SPOCK3: variants seen among roughly 807,000 people sequenced by gnomAD.
SPOCK3 encodes the protein testican-3.
In SPOCK3, 30 loss-of-function variants were observed where a neutral mutation model predicts 56.6. That is an observed-to-expected ratio of 0.53 (90% CI 0.40 to 0.72). The LOEUF (loss-of-function observed/expected upper bound fraction) is 0.72. SPOCK3 is among the 30% of genes least tolerant of loss of function. SPOCK3 has a pLI of 0.00. For missense variants in SPOCK3, 527 were observed against 530.0 expected, an observed-to-expected ratio of 0.99 and a Z score of 0.06; for synonymous variants, 196 against 183.3, an observed-to-expected ratio of 1.07 and a Z score of -0.56.
chr4:167,075,618 T>A (rs1757114961), intron 2 of SPOCK3, among the ~76,000 whole-genome samples: 1 of 151,986 alleles, frequency 6.6e-6, no homozygotes, highest in Non-Finnish European at 1.5e-5. Context: ...TAAAGGGAGA[T>A]AAAAACAATA....
At chr4:167,203,903 T>C (rs1342121078) in intron 2 of SPOCK3, among the ~76,000 whole-genome samples, 1 of 152,104 alleles carries the variant, frequency 6.6e-6, no homozygotes, top group African/African-American at 2.4e-5. Context: ...GCAAGGACTG[T>C]TTCCCTGTAA....
At chr4:166,812,807 T>A (rs1743973032) in intron 6 of SPOCK3, among the ~76,000 whole-genome samples, 1 of 151,990 alleles carries the variant, frequency 6.6e-6, no homozygotes, top group African/African-American at 2.4e-5. Flanking sequence ...AGTTCACACA[T>A]ACACACATAT....
intron 2 of SPOCK3, among the ~76,000 whole-genome samples, chr4:167,102,957 T>C (rs974401457): frequency 4.1e-5 from 6 of 147,592 alleles, no homozygotes; most frequent in Non-Finnish European, 8.9e-5. Context: ...AGTCACTCCT[T>C]CTTTCTGCTT....
At chr4:166,799,396 A>G (rs1225573443) in intron 6 of SPOCK3, among the ~76,000 whole-genome samples, 1 of 152,150 alleles carries the variant, frequency 6.6e-6, no homozygotes, top group Non-Finnish European at 1.5e-5. Context: ...AAGGAGTAAC[A>G]GCAGCTTTGA....
intron 2 of SPOCK3, among the ~76,000 whole-genome samples, chr4:167,136,369 T>A (rs577293011): frequency 6.6e-6 from 1 of 152,252 alleles, no homozygotes; most frequent in African/African-American, 2.4e-5. Flanking sequence ...TTTTTCTTAA[T>A]ACCTTTTTTT....
chr4:166,849,118 G>A (rs1560928372), intron 6 of SPOCK3, among the ~76,000 whole-genome samples: 1 of 152,104 alleles, frequency 6.6e-6, no homozygotes, highest in Non-Finnish European at 1.5e-5. Flanking sequence ...GAGACTATGG[G>A]TTGTTGAAAT....
intron 5 of SPOCK3, among the ~76,000 whole-genome samples, chr4:166,899,508 C>CTTTTTTTTTTTT (rs781766258): frequency 5.5e-4 from 65 of 119,088 alleles, no homozygotes; most frequent in Non-Finnish European, 7.9e-4. Flanking sequence ...TTCTTTCTTT[C>CTTTTTTTTTTTT]TTTTTTTTTT....
chr4:166,924,704 G>C (rs1463526593), intron 4 of SPOCK3, among the ~76,000 whole-genome samples: 9 of 152,180 alleles, frequency 5.9e-5, no homozygotes, highest in Non-Finnish European at 4.4e-5. Context: ...GGAATGGCTA[G>C]GCTGAAGAAA....
chr4:167,110,602 T>C (rs1251638511), intron 2 of SPOCK3, among the ~76,000 whole-genome samples: 1 of 152,026 alleles, frequency 6.6e-6, no homozygotes, highest in Admixed American at 6.6e-5. Context: ...AAAGTATGCA[T>C]ATCACCTTCA....
chr4:166,746,169 A>G (rs1176933517), intron 8 of SPOCK3, among the ~76,000 whole-genome samples: 1 of 152,206 alleles, frequency 6.6e-6, no homozygotes, highest in Non-Finnish European at 1.5e-5. Context: ...TTCACCCCAA[A>G]TCAACAGAAT....
At chr4:166,765,370 A>G (rs76380293) in intron 7 of SPOCK3, among the ~76,000 whole-genome samples, 50,173 of 151,976 alleles carry the variant, frequency 0.33, 8,446 homozygotes, top group Admixed American at 0.42. Context: ...TGTATAAGAC[A>G]TAAGGAAGGG....
chr4:167,055,493 G>A (rs1268656044), intron 3 of SPOCK3, among the ~76,000 whole-genome samples: 1 of 152,162 alleles, frequency 6.6e-6, no homozygotes, highest in Non-Finnish European at 1.5e-5. Flanking sequence ...CCAAAGCAGG[G>A]TGAGGCATTG....
intron 2 of SPOCK3, among the ~76,000 whole-genome samples, chr4:167,135,614 C>G (rs1290571719): frequency 1.3e-5 from 2 of 151,798 alleles, no homozygotes; most frequent in African/African-American, 4.8e-5. Context: ...ATCAAAAACC[C>G]AGAACATATA....
intron 2 of SPOCK3, among the ~76,000 whole-genome samples, chr4:167,179,898 A>T (rs1400798616): frequency 6.6e-6 from 1 of 152,180 alleles, no homozygotes; most frequent in Non-Finnish European, 1.5e-5. Flanking sequence ...AACTCAAAAT[A>T]TAATGGTGAG....
At chr4:166,966,222 T>C (rs990659221) in intron 4 of SPOCK3, among the ~76,000 whole-genome samples, 1 of 150,750 alleles carries the variant, frequency 6.6e-6, no homozygotes, top group Non-Finnish European at 1.5e-5. Context: ...TCACCACTTA[T>C]TCATCCATCC....
intron 7 of SPOCK3, among the ~76,000 whole-genome samples, chr4:166,755,751 A>T (rs1221159357): frequency 6.6e-6 from 1 of 152,126 alleles, no homozygotes; most frequent in Admixed American, 6.6e-5. Context: ...TCTAAGTGCA[A>T]TTCTCTCAGA....
At chr4:167,061,883 G>C (rs372200896) in intron 3 of SPOCK3, among the ~76,000 whole-genome samples, 1 of 152,016 alleles carries the variant, frequency 6.6e-6, no homozygotes, top group East Asian at 1.9e-4. Flanking sequence ...ATGTAACTAT[G>C]ATTGCTTGGG....
At chr4:167,056,454 G>C (rs1754877445) in intron 3 of SPOCK3, among the ~76,000 whole-genome samples, 1 of 152,214 alleles carries the variant, frequency 6.6e-6, no homozygotes, top group African/African-American at 2.4e-5. Flanking sequence ...TTGACGAGCT[G>C]AGAGAAGAAG....
At chr4:166,985,339 A>C (rs1340735619) in intron 4 of SPOCK3, among the ~76,000 whole-genome samples, 1 of 152,176 alleles carries the variant, frequency 6.6e-6, no homozygotes, top group Non-Finnish European at 1.5e-5. Flanking sequence ...AAGAGGCAAC[A>C]ATTCAAATCT....
Sources: allele counts gnomAD v4.1 joint callset (sites outside exome capture counted in the v4.1 genomes callset), GRCh38; gene constraint gnomAD v4.1.1; transcripts MANE v1.5; gene names NCBI Gene and HGNC (gene_info 2026-07-23, HGNC 2026-07-21).